The following POTEJ variants were observed in gnomAD, a reference collection of about 807,000 sequenced individuals.
The protein encoded by POTEJ is POTE ankyrin domain family, member J.
Under a neutral mutation model 69.0 loss-of-function variants are expected in POTEJ, and 11 were observed. The observed-to-expected ratio is 0.16, with a 90% CI of 0.10 to 0.26. The LOEUF is 0.26. Among genes scored for constraint, POTEJ ranks in the 10% least tolerant of loss-of-function variants. The pLI is 1.00. For missense variants in POTEJ, 327 were observed against 1,045.5 expected, an observed-to-expected ratio of 0.31 and a Z score of 9.48; for synonymous variants, 117 against 381.1, an observed-to-expected ratio of 0.31 and a Z score of 8.07.
chr2:130,625,240 A>G (rs1202546667), intron 6 of POTEJ, among the ~76,000 whole-genome samples: 1 of 152,156 alleles, frequency 6.6e-6, no homozygotes, highest in African/African-American at 2.4e-5. Flanking sequence ...GTGCTTTTTC[A>G]ACAGAATTTA....
chr2:130,626,754 A>G (rs1285188786), intron 6 of POTEJ, among the ~76,000 whole-genome samples: 1 of 152,162 alleles, frequency 6.6e-6, no homozygotes, highest in African/African-American at 2.4e-5. Flanking sequence ...TCAATGTATT[A>G]CAAGGTTTTC....
At chr2:130,626,889 T>C (rs531366100) in intron 6 of POTEJ, among the ~76,000 whole-genome samples, 11 of 152,290 alleles carry the variant, frequency 7.2e-5, no homozygotes, top group Admixed American at 4.6e-4. Context: ...ATGTAAGAAA[T>C]AACATTAATA....
intron 9 of POTEJ, among the ~76,000 whole-genome samples, chr2:130,637,898 C>A (rs1475338795): frequency 6.9e-6 from 1 of 145,874 alleles, no homozygotes; most frequent in Non-Finnish European, 1.5e-5. Context: ...CTGCCCTTGG[C>A]GTGATTCATC....
At chr2:130,613,223 C>G (rs1685277893) in intron 1 of POTEJ, among the ~76,000 whole-genome samples, 1 of 144,270 alleles carries the variant, frequency 6.9e-6, no homozygotes, top group East Asian at 2.0e-4. Flanking sequence ...TTTATATACG[C>G]AGATATATAT....
chr2:130,647,999 C>T lies in POTEJ; in HGVS notation c.1667+1689C>T, dbSNP rs1210519839. On this transcript the variant is annotated intron_variant, in intron 13 of 14. Coordinates refer to ENST00000409602, the MANE Select transcript of POTEJ (RefSeq NM_001277083.2). ...ATTTATAAAATAAGATTATTTTCTG[C>T]ATTTCTCCCACTTTATTCCTGTTAA... Among the ~76,000 whole-genome samples the T allele has an allele frequency of 1.3e-3, 189 of 147,466 alleles. 9 individuals are homozygous for T. The highest frequency in any genetic ancestry group is 2.0e-3 in the Non-Finnish European group (130 of 65,882).
intron 1 of POTEJ, among the ~76,000 whole-genome samples, chr2:130,614,839 C>T (rs1685367529): frequency 1.6e-5 from 1 of 60,700 alleles, no homozygotes; most frequent in South Asian, 6.3e-4. Flanking sequence ...CTTTTACCCT[C>T]TTCAGAAGAA....
At chr2:130,618,691 C>T (rs1413798366) in intron 3 of POTEJ, among the ~76,000 whole-genome samples, 3 of 134,638 alleles carry the variant, frequency 2.2e-5, no homozygotes, top group Admixed American at 2.2e-4. Context: ...ATTCTTATGT[C>T]TCAGAAACTT....
intron 10 of POTEJ, among the ~76,000 whole-genome samples, chr2:130,642,212 G>A (rs1184558335): frequency 7.3e-6 from 1 of 137,596 alleles, no homozygotes; most frequent in Non-Finnish European, 1.6e-5. Flanking sequence ...GTGTTTTTTT[G>A]TATGGGATAG....
intron 13 of POTEJ, among the ~76,000 whole-genome samples, chr2:130,652,060 G>A (rs1294776298): frequency 7.2e-6 from 1 of 138,668 alleles, no homozygotes; most frequent in Non-Finnish European, 1.5e-5. Flanking sequence ...GACCAGCTGG[G>A]AGGTGATTGG....
rs144583670 is a variant in POTEJ at position 130,631,657 on chromosome 2, T to C, written c.1131+204T>C. 7.3e-3 allele frequency among the ~76,000 whole-genome samples: 1,037 copies of C among 141,962 alleles called. 146 individuals are homozygous for C. Among genetic ancestry groups the C allele is most frequent in the Middle Eastern group, 0.025 (7 of 282 alleles). 93.1% of individuals were successfully genotyped at this position (141,962 alleles called of 152,430 possible). ...CCCTAGAGATATTCTTTGATTATTA[T>C]GGAACAATCCTGAATGGTGCCATAA... On this transcript the variant is annotated intron_variant, in intron 8 of 14. Coordinates refer to ENST00000409602, the MANE Select transcript of POTEJ (RefSeq NM_001277083.2).
At chr2:130,646,651 A>G (rs1429975823) in intron 13 of POTEJ, among the ~76,000 whole-genome samples, 177 of 142,846 alleles carry the variant, frequency 1.2e-3, no homozygotes, top group African/African-American at 4.3e-3. Flanking sequence ...CAGCCACATA[A>G]TAAACAAAAT....
Position 130,639,950 on chromosome 2 carries a change from A to G in POTEJ, c.1369+1261A>G, listed in dbSNP as rs1163304463. On this transcript the variant is annotated intron_variant, in intron 10 of 14. Transcript: ENST00000409602. ...TATTATTATCATTGTCATTTTTATT[A>G]TTTTGCTGCTTTATTCAGTGCTTAC... 2.0e-5 allele frequency among the ~76,000 whole-genome samples: 3 copies of G among 152,218 alleles called. No homozygotes were observed. The East Asian group carries it at 5.8e-4, about 29-fold the overall frequency.
chr2:130,632,931 G>T (rs1224382751), intron 9 of POTEJ, among the ~76,000 whole-genome samples: 4 of 147,094 alleles, frequency 2.7e-5, no homozygotes, highest in African/African-American at 5.2e-5. Flanking sequence ...ACATGTGCAG[G>T]GTTATTATAT....
At chr2:130,648,037 T>C (rs1213417041) in intron 13 of POTEJ, among the ~76,000 whole-genome samples, 1 of 148,094 alleles carries the variant, frequency 6.8e-6, no homozygotes, top group Non-Finnish European at 1.5e-5. Context: ...GAACTCAGTA[T>C]TTTACTGTGA....
intron 14 of POTEJ, 83 bp from the exon 15 acceptor site, chr2:130,656,466 T>C (rs1423145546): frequency 1.3e-6 from 2 of 1,515,762 alleles, no homozygotes; most frequent in Non-Finnish European, 1.8e-6. Flanking sequence ...ATTATACAAA[T>C]ACATGTTATT....
rs541088594 is a variant in POTEJ, at chr2:130,657,515, C to T, written c.2755C>T (p.Arg919Cys). The T allele has an allele frequency of 2.0e-4, 315 of 1,568,638 alleles. 40 individuals are homozygous for T. Among genetic ancestry groups the T allele is most frequent in the Middle Eastern group, 5.4e-4 (3 of 5,548 alleles). The change falls in exon 15 of 15, where the codon CGC becomes TGC. Residue 919 changes from arginine (R) to cysteine (C), a missense_variant. Coordinates refer to ENST00000409602, the MANE Select transcript of POTEJ (RefSeq NM_001277083.2). Reference sequence around the variant, plus strand: ...CATCACCATCAGCAACGAGTGGTTCCGCTGCCCCGAGGCGCTCTTCCAGCC... The same window carrying T: ...CATCACCATCAGCAACGAGTGGTTCTGCTGCCCCGAGGCGCTCTTCCAGCC... ...QVITISNEWF[R>C]CPEALFQPCF...
At chr2:130,632,989 C>T (rs1262317676) in intron 9 of POTEJ, among the ~76,000 whole-genome samples, 2 of 147,468 alleles carry the variant, frequency 1.4e-5, no homozygotes, top group Non-Finnish European at 3.0e-5. Flanking sequence ...TTTCATCAGC[C>T]ACATAATAAG....
At chr2:130,656,075 T>A (rs554436199) in intron 14 of POTEJ, among the ~76,000 whole-genome samples, 1 of 145,306 alleles carries the variant, frequency 6.9e-6, no homozygotes, top group Non-Finnish European at 1.5e-5. Flanking sequence ...TTAAAGAACT[T>A]TGAGAAATTC....
intron 9 of POTEJ, among the ~76,000 whole-genome samples, chr2:130,637,163 T>C (rs1686125325): frequency 6.6e-6 from 1 of 151,124 alleles, no homozygotes; most frequent in Non-Finnish European, 1.5e-5. Context: ...TCGTTTTGGC[T>C]CTTTATAATA....
Sources: gnomAD v4.1 joint callset for allele counts (sites outside exome capture counted in the v4.1 genomes callset) on GRCh38, gnomAD v4.1.1 for gene constraint, MANE v1.5 for transcripts, NCBI Gene and HGNC (gene_info 2026-07-23, HGNC 2026-07-21) for gene names.